CAMSAP2: variants seen among roughly 807,000 people sequenced by gnomAD.
CAMSAP2 encodes the protein calmodulin regulated spectrin associated protein family member 2.
CAMSAP2 carries 26 observed loss-of-function variants against 146.1 expected under a neutral mutation model. The ratio of observed to expected loss-of-function variants is 0.18; its 90% CI spans 0.13 to 0.25. CAMSAP2 has a LOEUF of 0.25. Ranked by LOEUF, CAMSAP2 falls within the 10% of genes least tolerant of loss-of-function variation. The probability of loss-of-function intolerance (pLI) is 1.00; values close to 1 mark genes in which losing one functional copy is unlikely to be tolerated. For synonymous variants in CAMSAP2, 499 were observed against 596.6 expected (o/e 0.84, Z 2.38); for missense variants, 1,381 against 1,759.3 (o/e 0.78, Z 3.85).
At chr1:200,776,702 C>T (rs1026370458) in intron 2 of CAMSAP2, among the ~76,000 whole-genome samples, 1 of 151,948 alleles carries the variant, frequency 6.6e-6, no homozygotes, top group Non-Finnish European at 1.5e-5. Flanking sequence ...CCAGCCTGGG[C>T]AACAGAGTGA....
Position 200,848,094 on chromosome 1 carries a change from C to A in CAMSAP2, c.1325C>A (p.Ser442Tyr). ...SFDKEDSVQR[S>Y]TPNRGITRSI... ...GATAAAGAAGATAGTGTACAGAGAT[C>A]CACTCCAAACCGAGGAATCACTCGT... Residue 442 changes from serine (S) to tyrosine (Y), a missense_variant, in exon 11 of 17, where the codon TCC (serine) becomes TAC (tyrosine). Physicochemically the swap from Ser to Tyr is moderately radical, Grantham distance 144. Around this residue, in one of 4 missense-constraint regions of CAMSAP2, gnomAD observed 447 missense variants for 462.2 expected, o/e 0.97. Coordinates refer to ENST00000358823, the MANE Select transcript of CAMSAP2 (RefSeq NM_203459.4). 1 of 1,604,922 alleles carries A rather than the reference C, an allele frequency of 6.2e-7. No individual in the cohort carries two copies. The highest frequency in any genetic ancestry group is 8.5e-7 in the Non-Finnish European group (1 of 1,174,552).
chr1:200,838,336 A>G (rs547991088), intron 6 of CAMSAP2, among the ~76,000 whole-genome samples: 1 of 152,302 alleles, frequency 6.6e-6, no homozygotes, highest in Admixed American at 6.5e-5. Flanking sequence ...TAGCACCAGT[A>G]CTTAAAAACC....
intron 6 of CAMSAP2, among the ~76,000 whole-genome samples, chr1:200,841,219 G>T (rs1393787030): frequency 6.6e-6 from 1 of 152,106 alleles, no homozygotes; most frequent in Non-Finnish European, 1.5e-5. Context: ...CTGTATTACT[G>T]GTGAGTTTAA....
chr1:200,763,003 A>G (rs1157690964), intron 2 of CAMSAP2, among the ~76,000 whole-genome samples: 1 of 151,942 alleles, frequency 6.6e-6, no homozygotes, highest in Non-Finnish European at 1.5e-5. Context: ...GGTTTCAAGC[A>G]ATTCTTGTGC....
intron 2 of CAMSAP2, among the ~76,000 whole-genome samples, chr1:200,784,537 G>T (rs550848189): frequency 5.5e-4 from 83 of 152,236 alleles, no homozygotes; most frequent in Middle Eastern, 3.4e-3. Context: ...TTGCATTTCA[G>T]ATTTAATTCT....
intron 4 of CAMSAP2, among the ~76,000 whole-genome samples, chr1:200,821,123 C>G (rs1354297307): frequency 6.6e-6 from 1 of 151,344 alleles, no homozygotes; most frequent in African/African-American, 2.4e-5. Context: ...GAATCCTACC[C>G]TTAAGATTCT....
intron 4 of CAMSAP2, among the ~76,000 whole-genome samples, chr1:200,825,106 C>T (rs916692128): frequency 2.0e-5 from 3 of 152,122 alleles, no homozygotes; most frequent in African/African-American, 4.8e-5. Flanking sequence ...CCTCTGCCCC[C>T]GCCTTCACTG....
At chr1:200,744,277 T>G (rs1286731296) in intron 1 of CAMSAP2, among the ~76,000 whole-genome samples, 1 of 152,314 alleles carries the variant, frequency 6.6e-6, no homozygotes, top group Admixed American at 6.5e-5. Context: ...AGATTTAATC[T>G]CTAGTATTTC....
chr1:200,836,543 C>A (rs1299199037), intron 6 of CAMSAP2, among the ~76,000 whole-genome samples: 2 of 149,986 alleles, frequency 1.3e-5, no homozygotes, highest in African/African-American at 4.9e-5. Context: ...AATAGTGCTG[C>A]AGTGAACATA....
chr1:200,850,213 A>G lies in CAMSAP2; in HGVS notation c.3444A>G (p.Val1148=). 2 of 1,587,650 alleles carry G rather than the reference A, an allele frequency of 1.3e-6. No homozygotes were observed. The highest frequency in any genetic ancestry group is 1.7e-6 in the Non-Finnish European group (2 of 1,169,820). ...AACAATTTGATGATGACCAGAAAGT[A>G]TGCTGTGGATTCTTTTTTAAGGTGT... The part of the protein sequence containing the change: ...DKEQFDDDQK[V]CCGFFFKDDQ... The change falls in exon 11 of 17, where the codon GTA becomes GTG. Residue 1148 remains valine, a synonymous_variant. Transcript: ENST00000358823.
chr1:200,835,664 G>A (rs1337594523), intron 6 of CAMSAP2, among the ~76,000 whole-genome samples: 1 of 152,152 alleles, frequency 6.6e-6, no homozygotes, highest in Non-Finnish European at 1.5e-5. Flanking sequence ...TTACACCCTT[G>A]CCATTCATAT....
At chr1:200,776,810 G>T (rs914527639) in intron 2 of CAMSAP2, among the ~76,000 whole-genome samples, 1 of 152,076 alleles carries the variant, frequency 6.6e-6, no homozygotes, top group African/African-American at 2.4e-5. Context: ...TATTATTATG[G>T]CATTTAATGC....
chr1:200,835,124 G>C (rs955174277), intron 6 of CAMSAP2, among the ~76,000 whole-genome samples: 30 of 152,098 alleles, frequency 2.0e-4, no homozygotes, highest in Admixed American at 1.5e-3. Flanking sequence ...AACGAACTGG[G>C]TACACCTTTG....
chr1:200,778,180 C>T (rs1180892863), intron 2 of CAMSAP2, among the ~76,000 whole-genome samples: 1 of 152,114 alleles, frequency 6.6e-6, no homozygotes, highest in Non-Finnish European at 1.5e-5. Context: ...AGTGCCTAGT[C>T]TAGAGAAGAT....
intron 6 of CAMSAP2, among the ~76,000 whole-genome samples, chr1:200,834,590 A>G (rs1667138732): frequency 6.6e-6 from 1 of 152,202 alleles, no homozygotes; most frequent in Non-Finnish European, 1.5e-5. Context: ...TAGTTGAGTC[A>G]TATTAATTTA....
chr1:200,748,275 A>T (rs898437367), intron 1 of CAMSAP2, among the ~76,000 whole-genome samples: 1 of 152,172 alleles, frequency 6.6e-6, no homozygotes, highest in Admixed American at 6.5e-5. Flanking sequence ...AATTCCAAAC[A>T]TCATGTCATC....
At chr1:200,806,937 T>A (rs12023677) in intron 2 of CAMSAP2, among the ~76,000 whole-genome samples, 25,940 of 151,780 alleles carry the variant, frequency 0.17, 2,915 homozygotes, top group East Asian at 0.35. Context: ...GTGTGAGAAA[T>A]GTTTGGGTCT....
At chr1:200,762,698 G>C (rs558488055) in intron 2 of CAMSAP2, among the ~76,000 whole-genome samples, 3 of 152,284 alleles carry the variant, frequency 2.0e-5, no homozygotes, top group East Asian at 3.9e-4. Context: ...CCTCTAATAA[G>C]AATGAAACAA....
intron 3 of CAMSAP2, among the ~76,000 whole-genome samples, chr1:200,814,926 A>C (rs1369828941): frequency 6.6e-6 from 1 of 152,110 alleles, no homozygotes. Context: ...AAAATTATCT[A>C]AAGTCTTCTC....
Sources: gnomAD v4.1 joint callset for allele counts (sites outside exome capture counted in the v4.1 genomes callset) on GRCh38, gnomAD v4.1.1 for gene constraint, gnomAD v4.1.1 regional missense constraint, MANE v1.5 for transcripts, NCBI Gene and HGNC (gene_info 2026-07-23, HGNC 2026-07-21) for gene names.